Variants in FANCL observed in about 807,000 individuals in gnomAD.
The protein encoded by FANCL is E3 ubiquitin-protein ligase FANCL.
FANCL carries 69 observed loss-of-function variants against 59.4 expected under a neutral mutation model. The ratio of observed to expected loss-of-function variants is 1.16; its 90% CI spans 0.96 to 1.42. The LOEUF is 1.42. Among genes scored for constraint, FANCL ranks in the 40% most tolerant of loss-of-function variants. The probability of loss-of-function intolerance (pLI) is 0.00; values close to 1 mark genes in which losing one functional copy is unlikely to be tolerated. For missense variants in FANCL, 519 were observed against 447.2 expected (o/e 1.16, Z -1.45); for synonymous variants, 180 against 147.1 (o/e 1.22, Z -1.62).
intron 7 of FANCL, among the ~76,000 whole-genome samples, chr2:58,188,101 G>T (rs372161649): frequency 1.3e-5 from 2 of 151,972 alleles, no homozygotes; most frequent in Non-Finnish European, 2.9e-5. Context: ...TTTGTATATG[G>T]ATCGATGAGG....
intron 3 of FANCL, among the ~76,000 whole-genome samples, chr2:58,229,505 A>AT (rs987398994): frequency 6.6e-6 from 1 of 151,960 alleles, no homozygotes; most frequent in Non-Finnish European, 1.5e-5. Flanking sequence ...AATGGGTCTG[A>AT]TTTTTTTTCC....
intron 5 of FANCL, among the ~76,000 whole-genome samples, chr2:58,214,605 G>A (rs1691520358): frequency 6.6e-6 from 1 of 152,008 alleles, no homozygotes; most frequent in Non-Finnish European, 1.5e-5. Context: ...ACCTACCCAG[G>A]CTCAAGTGAT....
chr2:58,220,585 T>C (rs1692374977), intron 5 of FANCL, among the ~76,000 whole-genome samples: 5 of 151,934 alleles, frequency 3.3e-5, no homozygotes, highest in Admixed American at 3.3e-4. Flanking sequence ...TGTTTAAGTC[T>C]CTATTTAGTT....
In FANCL at chr2:58,159,502, A is replaced by C. The variant is rs1573486966; in HGVS notation, c.*263T>G. The C allele has an allele frequency of 6.2e-7, 1 of 1,613,740 alleles. No homozygotes were observed. ...CAGTCCAGATATATTCAAGAAGTCA[A>C]GATCTCCATCTTGGTATAAATACAC... is the stretch of plus-strand genomic sequence containing the variant. On this transcript the variant is annotated 3_prime_UTR_variant, in exon 14 of 14. Coordinates refer to ENST00000233741, the MANE Select transcript of FANCL (RefSeq NM_018062.4).
chr2:58,238,451 AGAG>A (rs2104016974), intron 1 of FANCL, among the ~76,000 whole-genome samples: 1 of 152,344 alleles, frequency 6.6e-6, no homozygotes, highest in African/African-American at 2.4e-5. Context: ...ACCAACATAG[AGAG>A]CATCATTACA....
intron 1 of FANCL, among the ~76,000 whole-genome samples, chr2:58,232,319 G>T (rs1394939978): frequency 2.0e-5 from 3 of 151,992 alleles, no homozygotes; most frequent in African/African-American, 7.2e-5. Flanking sequence ...CAAAAACTTT[G>T]TAGTTACTGG....
intron 9 of FANCL, 172 bp from the exon 10 acceptor site, chr2:58,163,246 T>A: frequency 1.4e-6 from 1 of 740,084 alleles, no homozygotes; most frequent in Non-Finnish European, 2.3e-6. Flanking sequence ...TCATTTAAAA[T>A]AACTATCATT....
chr2:58,171,284 AC>A (rs1364485566), intron 7 of FANCL, among the ~76,000 whole-genome samples: 2 of 152,228 alleles, frequency 1.3e-5, no homozygotes, highest in Non-Finnish European at 2.9e-5. Context: ...TGAGTAAATA[AC>A]AAAATTAAGG....
At chr2:58,180,680 C>T (rs1687849152) in intron 7 of FANCL, among the ~76,000 whole-genome samples, 1 of 152,004 alleles carries the variant, frequency 6.6e-6, no homozygotes, top group Admixed American at 6.6e-5. Context: ...ACGTTCTGCA[C>T]ATGTATACCA....
chr2:58,220,414 A>G (rs939112905), intron 5 of FANCL, among the ~76,000 whole-genome samples: 6 of 152,250 alleles, frequency 3.9e-5, no homozygotes, highest in Non-Finnish European at 2.9e-5. Context: ...TGATCTACAC[A>G]TAAGAAGAGA....
At chr2:58,231,271 T>A (rs1173565358) in intron 2 of FANCL, among the ~76,000 whole-genome samples, 1 of 152,154 alleles carries the variant, frequency 6.6e-6, no homozygotes, top group Non-Finnish European at 1.5e-5. Context: ...CCTTCATCTG[T>A]TGTAACTTCC....
At chr2:58,186,189 T>G (rs1220109051) in intron 7 of FANCL, among the ~76,000 whole-genome samples, 1 of 152,214 alleles carries the variant, frequency 6.6e-6, no homozygotes, top group East Asian at 1.9e-4. Flanking sequence ...CAAGTTATAC[T>G]GCTTAGGAGG....
intron 7 of FANCL, among the ~76,000 whole-genome samples, chr2:58,184,705 T>C (rs3771216): frequency 0.46 from 69,454 of 151,958 alleles, 20,057 homozygotes; most frequent in African/African-American, 0.83. Context: ...AACTGTCTTA[T>C]AGGAAGAAAA....
intron 5 of FANCL, among the ~76,000 whole-genome samples, chr2:58,207,336 C>G (rs943358617): frequency 4.6e-5 from 7 of 152,166 alleles, no homozygotes; most frequent in African/African-American, 1.7e-4. Context: ...AAAACGGTAG[C>G]CACCAGCCAC....
chr2:58,169,594 AC>A (rs572667302), intron 7 of FANCL, among the ~76,000 whole-genome samples: 2 of 152,158 alleles, frequency 1.3e-5, no homozygotes, highest in South Asian at 4.2e-4. Flanking sequence ...GTGGGTAATA[AC>A]AAACTCCTCT....
intron 7 of FANCL, among the ~76,000 whole-genome samples, chr2:58,194,789 G>C (rs571598670): frequency 6.6e-5 from 10 of 151,924 alleles, no homozygotes; most frequent in African/African-American, 2.2e-4. Context: ...GAATATGTCA[G>C]AGCAGCAGCA....
intron 5 of FANCL, among the ~76,000 whole-genome samples, chr2:58,207,032 T>C (rs1326396105): frequency 6.6e-6 from 1 of 152,126 alleles, no homozygotes; most frequent in African/African-American, 2.4e-5. Context: ...TTTAGCAGGA[T>C]CCACTTCACC....
chr2:58,160,339 T>C (rs188944918), intron 12 of FANCL, among the ~76,000 whole-genome samples, 160 bp from the exon 13 acceptor site: 4 of 152,136 alleles, frequency 2.6e-5, no homozygotes, highest in South Asian at 2.1e-4. Flanking sequence ...CCTGAGCCAA[T>C]AGCAGACTAT....
At position 58,165,805 on chromosome 2, in the gene FANCL, T is replaced by C; in HGVS notation, c.610A>G (p.Met204Val). The C allele has an allele frequency of 1.2e-6, 2 of 1,614,128 alleles. No individual in the cohort carries two copies. The highest frequency in any genetic ancestry group is 1.1e-5 in the South Asian group (1 of 91,080). Residue 204 changes from methionine (M) to valine (V), a missense_variant, in exon 8 of 14, where the codon ATG becomes GTG. Physicochemically the swap from Met to Val is conservative, Grantham distance 21 (BLOSUM62 1). Transcript: ENST00000233741. ...CAGGTCTTCTCATCGATTTCATCCA[T>C]AACATCCCAGAATGCCTTTAGTGAT... is the stretch of plus-strand genomic sequence containing the variant. ...IESLKAFWDV[M>V]DEIDEKTWVL...
Sources: gnomAD v4.1 joint callset for allele counts (sites outside exome capture counted in the v4.1 genomes callset) on GRCh38, gnomAD v4.1.1 for gene constraint, MANE v1.5 for transcripts, NCBI Gene and HGNC (gene_info 2026-07-23, HGNC 2026-07-21) for gene names.